The following STAT4 variants were observed in gnomAD, a reference collection of about 807,000 sequenced individuals.
STAT4 encodes the protein signal transducer and activator of transcription 4.
STAT4 carries 42 observed loss-of-function variants against 110.5 expected under a neutral mutation model. That is an observed-to-expected ratio of 0.38 (90% CI 0.30 to 0.49). STAT4 has a LOEUF of 0.49. Ranked by LOEUF, STAT4 falls within the 20% of genes least tolerant of loss-of-function variation. STAT4 has a pLI of 0.95. For synonymous variants in STAT4, 284 were observed against 302.2 expected (o/e 0.94, Z 0.63); for missense variants, 632 against 887.9 (o/e 0.71, Z 3.66).
chr2:191,047,006 T>A (rs1696371829), intron 14 of STAT4, among the ~76,000 whole-genome samples: 1 of 152,166 alleles, frequency 6.6e-6, no homozygotes, highest in Non-Finnish European at 1.5e-5. Context: ...CTCCCTGACC[T>A]CTGGGAAGGG....
chr2:191,053,919 G>C lies in STAT4; in HGVS notation c.1251+571C>G, dbSNP rs776142216. Among the ~76,000 whole-genome samples, 4 of 152,150 alleles carry C rather than the reference G, an allele frequency of 2.6e-5. No homozygotes were observed. The highest frequency in any genetic ancestry group is 4.4e-5 in the Non-Finnish European group (3 of 68,022). ...AAGGTGGGTGGATCACTTGAGCCAA[G>C]GGGTTCAAGACCAGCCTGGGAAACA... On this transcript the variant is annotated intron_variant, in intron 14 of 23. Coordinates refer to ENST00000392320, the MANE Select transcript of STAT4 (RefSeq NM_003151.4). The surrounding 1 kb of genome is among the most constrained non-coding windows in gnomAD (Gnocchi z 4.5).
chr2:191,034,513 A>C (rs749789837), intron 18 of STAT4, 35 bp downstream of exon 18: 4 of 1,553,950 alleles, frequency 2.6e-6, no homozygotes, highest in African/African-American at 1.4e-5. Context: ...TATTAAAAAA[A>C]TGTATCTAAA....
At position 191,147,670 on chromosome 2, in the gene STAT4, T is replaced by C. The variant is rs111346466; in HGVS notation, c.128+406A>G. On this transcript the variant is annotated intron_variant, in intron 2 of 23. Transcript: ENST00000392320. The surrounding 1 kb of genome is among the most constrained non-coding windows in gnomAD (Gnocchi z 4.1). ...ATGGTAAATTTTATGTTATGTGTAT[T>C]TTACCACAATAAAAAAGATGGCTGA... 3.3e-5 allele frequency among the ~76,000 whole-genome samples: 5 copies of C among 152,238 alleles called. No homozygotes were observed. The highest frequency in any genetic ancestry group is 1.2e-4 in the African/African-American group (5 of 41,546).
intron 3 of STAT4, among the ~76,000 whole-genome samples, chr2:191,136,696 G>C (rs543267590): frequency 2.1e-5 from 3 of 145,582 alleles, no homozygotes; most frequent in African/African-American, 7.7e-5. Context: ...GGTTGCAGTG[G>C]GCCAAGATCA....
At chr2:191,133,059 C>T (rs1428541344) in intron 3 of STAT4, among the ~76,000 whole-genome samples, 1 of 150,996 alleles carries the variant, frequency 6.6e-6, no homozygotes, top group Non-Finnish European at 1.5e-5. Context: ...TGGCGGTTTT[C>T]ATAGTTTTAA....
intron 3 of STAT4, among the ~76,000 whole-genome samples, chr2:191,136,118 T>G (rs976699063): frequency 6.6e-6 from 1 of 151,058 alleles, no homozygotes; most frequent in Non-Finnish European, 1.5e-5. Context: ...ATAAATCACA[T>G]CAGCAGAATG....
At position 191,033,723 on chromosome 2, in the gene STAT4, G is replaced by C; in HGVS notation, c.1716-97C>G. ...CAGTTTGTTTTGAGTGTAATCAAAAGTCATTCTTACCTGAAATACTCATAT... is the reference window on the plus strand; with the variant it reads ...CAGTTTGTTTTGAGTGTAATCAAAACTCATTCTTACCTGAAATACTCATAT... On this transcript the variant is annotated intron_variant, in intron 19 of 23. Transcript: ENST00000392320. The surrounding 1 kb of genome is among the most constrained non-coding windows in gnomAD (Gnocchi z 6.9). 1 of 1,507,694 alleles carries C rather than the reference G, an allele frequency of 6.6e-7. No individual in the cohort carries two copies. The highest frequency in any genetic ancestry group is 1.3e-5 in the South Asian group (1 of 77,106). 93.4% of individuals were successfully genotyped at this position (1,507,694 alleles called of 1,614,324 possible).
Position 191,050,506 on chromosome 2 carries a change from C to T in STAT4, c.1251+3984G>A, listed in dbSNP as rs1463964098. Among the ~76,000 whole-genome samples, 1 of 152,112 alleles carries T rather than the reference C, an allele frequency of 6.6e-6. No homozygotes were observed. The highest frequency in any genetic ancestry group is 2.4e-5 in the African/African-American group (1 of 41,428). ...TAAATTCATTTTTAAAAATCTAAAGCTCCTACCCTATGTTGCACTTCTGAG... is the reference window on the plus strand; with the variant it reads ...TAAATTCATTTTTAAAAATCTAAAGTTCCTACCCTATGTTGCACTTCTGAG... On this transcript the variant is annotated intron_variant, in intron 14 of 23. Transcript: ENST00000392320. The surrounding 1 kb of genome is among the most constrained non-coding windows in gnomAD (Gnocchi z 4.3).
intron 14 of STAT4, among the ~76,000 whole-genome samples, chr2:191,052,611 T>C (rs1354296153): frequency 1.3e-5 from 2 of 152,160 alleles, no homozygotes; most frequent in African/African-American, 4.8e-5. Context: ...AAGATGACAA[T>C]ATACTACAAG....
chr2:191,061,892 A>G lies in STAT4; in HGVS notation c.942-71T>C. The G allele has an allele frequency of 7.0e-7, 1 of 1,432,712 alleles. No homozygotes were observed. The highest frequency in any genetic ancestry group is 1.2e-5 in the South Asian group (1 of 84,184). The allele number at this position is 1,432,712 out of a possible 1,614,324, so 88.7% of individuals were successfully genotyped here. ...TATTGAGACTGAAAACCACAGAGGA[A>G]CAGGATGCTATCCACTCAAAGTCCA... On this transcript the variant is annotated intron_variant, in intron 9 of 23. Coordinates refer to ENST00000392320, the MANE Select transcript of STAT4 (RefSeq NM_003151.4). The surrounding 1 kb of genome is among the most constrained non-coding windows in gnomAD (Gnocchi z 6.2).
intron 14 of STAT4, chr2:191,041,567 CT>C (rs1282358390): frequency 6.6e-6 from 1 of 152,210 alleles, no homozygotes; most frequent in African/African-American, 2.4e-5. Context: ...GCAAGACCTC[CT>C]TCTGGTTTAA....
chr2:191,151,046 A>G, upstream of STAT4: 1 of 985,582 alleles, frequency 1.0e-6, no homozygotes, highest in South Asian at 4.7e-5. The surrounding 1 kb of genome is among the most constrained non-coding windows in gnomAD (Gnocchi z 4.7). Flanking sequence ...CATCATCAGT[A>G]GGGGATTTGC....
At chr2:191,087,797 G>A (rs1299095163) in intron 3 of STAT4, among the ~76,000 whole-genome samples, 1 of 151,938 alleles carries the variant, frequency 6.6e-6, no homozygotes, top group African/African-American at 2.4e-5. Context: ...TCTTAAAGCT[G>A]ATTAAAATAG....
chr2:191,073,206 C>T lies in STAT4; in HGVS notation c.373-16G>A. 3.7e-6 allele frequency: 6 copies of T among 1,608,416 alleles called. No homozygotes were observed. The highest frequency in any genetic ancestry group is 4.3e-6 in the Non-Finnish European group (5 of 1,175,120). On this transcript the variant is annotated splice_polypyrimidine_tract_variant and intron_variant, in intron 4 of 23. Coordinates refer to ENST00000392320, the MANE Select transcript of STAT4 (RefSeq NM_003151.4). ...CTAGAGGCCCCTGGAAAAAGAATGT[C>T]TTGAAATCTCTCTGGTTTTGAAAAG...
chr2:191,134,938 T>C (rs567600480), intron 3 of STAT4, among the ~76,000 whole-genome samples: 6 of 151,698 alleles, frequency 4.0e-5, no homozygotes, highest in Non-Finnish European at 5.9e-5. Context: ...GGGAGGTTCA[T>C]AGAAATAAAC....
intron 16 of STAT4, among the ~76,000 whole-genome samples, chr2:191,038,079 C>T (rs1318935448): frequency 6.6e-6 from 1 of 152,188 alleles, no homozygotes; most frequent in Non-Finnish European, 1.5e-5. Flanking sequence ...AAGTGCAGCA[C>T]TTCTCTGTGA....
intron 3 of STAT4, among the ~76,000 whole-genome samples, chr2:191,085,584 G>A (rs915305065): frequency 6.6e-6 from 1 of 152,088 alleles, no homozygotes; most frequent in Non-Finnish European, 1.5e-5. Flanking sequence ...CTTGGCAATT[G>A]TGTCTTTAAC....
chr2:191,097,160 A>G (rs547128071), intron 3 of STAT4, among the ~76,000 whole-genome samples: 1 of 152,336 alleles, frequency 6.6e-6, no homozygotes, highest in African/African-American at 2.4e-5. Context: ...GCTCATGGAT[A>G]GGAAGAATCA....
At chr2:191,093,011 C>T (rs1697845923) in intron 3 of STAT4, among the ~76,000 whole-genome samples, 1 of 152,220 alleles carries the variant, frequency 6.6e-6, no homozygotes, top group African/African-American at 2.4e-5. Context: ...TCTGCCATTG[C>T]TGAGGCTTGA....
Sources: gnomAD v4.1 joint callset for allele counts (sites outside exome capture counted in the v4.1 genomes callset) on GRCh38, gnomAD v4.1.1 for gene constraint, Gnocchi (gnomAD v3.1) non-coding constraint, MANE v1.5 for transcripts, NCBI Gene and HGNC (gene_info 2026-07-23, HGNC 2026-07-21) for gene names.